Variants in MFGE8 observed in about 807,000 individuals in gnomAD.
The protein encoded by MFGE8 is milk fat globule EGF and factor V/VIII domain containing, also known as lactadherin.
MFGE8 carries 34 observed loss-of-function variants against 42.6 expected under a neutral mutation model. That is an observed-to-expected ratio of 0.80 (90% CI 0.61 to 1.06). The LOEUF (loss-of-function observed/expected upper bound fraction) is 1.06. Ranked by LOEUF, MFGE8 falls within the 50% of genes least tolerant of loss-of-function variation. The probability of loss-of-function intolerance (pLI) is 0.00; values close to 1 mark genes in which losing one functional copy is unlikely to be tolerated. For missense variants in MFGE8, 510 were observed against 516.9 expected (o/e 0.99, Z 0.13); for synonymous variants, 230 against 214.8 (o/e 1.07, Z -0.62).
In MFGE8 at chr15:88,906,846, C is replaced by G; in HGVS notation, c.388-68G>C. On this transcript the variant is annotated intron_variant, in intron 3 of 7. Coordinates refer to ENST00000268150, the MANE Select transcript of MFGE8 (RefSeq NM_005928.4). The surrounding 1 kb of genome is among the most constrained non-coding windows in gnomAD (Gnocchi z 4.2). ...TCTTTCCACTCAAGATCCAAGCAGA[C>G]CCATCCCTTCACTCCCCCACTGGGT... is the stretch of plus-strand genomic sequence containing the variant. The G allele has an allele frequency of 6.3e-7, 1 of 1,593,754 alleles. No individual in the cohort carries two copies. Among genetic ancestry groups the G allele is most frequent in the South Asian group, 1.1e-5 (1 of 90,394 alleles).
chr15:88,907,662 AGCACTGTGGGGACAGCCATGATTG>A lies in MFGE8; in HGVS notation c.206-310_206-287del, dbSNP rs375457932. On this transcript the variant is annotated intron_variant, in intron 2 of 7. Coordinates refer to ENST00000268150, the MANE Select transcript of MFGE8 (RefSeq NM_005928.4). ...GCTGCCAGAGGATCCCAGCCAGGGT[AGCACTGTGGGGACAGCCATGATTG>A]GCACTCATGGAAAGTAGAGTCCCCC... 6.7e-3 allele frequency among the ~76,000 whole-genome samples: 1,017 copies of A among 151,666 alleles called. 33 individuals carry two copies. The East Asian group carries it at 0.095, about 14-fold the overall frequency.
At chr15:88,908,645 A>G (rs1898811097) in intron 2 of MFGE8, among the ~76,000 whole-genome samples, 1 of 152,124 alleles carries the variant, frequency 6.6e-6, no homozygotes, top group Admixed American at 6.5e-5. Context: ...CCACTCAGGC[A>G]CACTCACTGT....
Position 88,899,304 on chromosome 15 carries a change from TC to T in MFGE8, c.*90del. On this transcript the variant is annotated 3_prime_UTR_variant, in exon 8 of 8. Coordinates refer to ENST00000268150, the MANE Select transcript of MFGE8 (RefSeq NM_005928.4). The surrounding 1 kb of genome is among the most constrained non-coding windows in gnomAD (Gnocchi z 6.8). Reference sequence around the variant, plus strand: ...CTCTGAACACCCTCCCCTTCCCCAGTCCCCAGCCCTATGGTGATTTAAAGGG... The same window carrying T: ...CTCTGAACACCCTCCCCTTCCCCAGTCCCAGCCCTATGGTGATTTAAAGGG... 6.4e-7 allele frequency: 1 copy of T among 1,567,642 alleles called. No individual in the cohort carries two copies.
chr15:88,899,896 T>C lies in MFGE8; in HGVS notation c.871-85A>G, dbSNP rs1898280309. On this transcript the variant is annotated intron_variant, in intron 6 of 7. Coordinates refer to ENST00000268150, the MANE Select transcript of MFGE8 (RefSeq NM_005928.4). This position sits in a 1 kb window ranked among gnomAD's most constrained non-coding sequence, Gnocchi z 6.8. ...GGCAGACACACTGAGGCATGAATTC[T>C]AGTTTTGAAAAAAACTACTTGGGTG... is the stretch of plus-strand genomic sequence containing the variant. 1 of 1,544,168 alleles carries C rather than the reference T, an allele frequency of 6.5e-7. No homozygotes were observed. Among genetic ancestry groups the C allele is most frequent in the African/African-American group, 1.4e-5 (1 of 73,328 alleles).
At position 88,906,683 on chromosome 15, in the gene MFGE8, G is replaced by A. The variant is rs1280550884; in HGVS notation, c.483C>T (p.Ala161=). Residue 161 remains alanine (A), a synonymous_variant, in exon 4 of 8, where the codon GCC becomes GCT. Coordinates refer to ENST00000268150, the MANE Select transcript of MFGE8 (RefSeq NM_005928.4). The surrounding 1 kb of genome is among the most constrained non-coding windows in gnomAD (Gnocchi z 4.2). ...SHEYLKAFKV[A]YSLNGHEFDF... ...CGAATTCGTGTCCATTAAGGCTGTA[G>A]GCCACCTTGAAGGCCTTCAGGTACT... 6 of 1,613,834 alleles carry A rather than the reference G, an allele frequency of 3.7e-6. No homozygotes were observed. The Admixed American group carries it at 5.0e-5, about 13-fold the overall frequency.
In MFGE8 at chr15:88,905,868, G is replaced by C; in HGVS notation, c.574C>G (p.His192Asp). The part of the protein sequence containing the change: ...FVGNWNKNAV[H>D]VNLFETPVEA... ...ACAGGGGTCTCAAACAGGTTGACAT[G>C]CACCGCGTTTTTGTTCCAGTTACCC... The change falls in exon 5 of 8, where the codon CAT (histidine) becomes GAT (aspartate). Residue 192 changes from histidine to aspartate, a missense_variant. By Grantham distance (81) the His-to-Asp change is moderately conservative. Coordinates refer to ENST00000268150, the MANE Select transcript of MFGE8 (RefSeq NM_005928.4). This position sits in a 1 kb window ranked among gnomAD's most constrained non-coding sequence, Gnocchi z 6.6. The C allele has an allele frequency of 6.2e-7, 1 of 1,614,218 alleles. No homozygotes were observed. Among genetic ancestry groups the C allele is most frequent in the Non-Finnish European group, 8.5e-7 (1 of 1,180,038 alleles).
In MFGE8 at chr15:88,906,650, G is replaced by T. The variant is rs377660994; in HGVS notation, c.516C>A (p.Ile172=). The T allele has an allele frequency of 6.8e-6, 11 of 1,613,886 alleles. No homozygotes were observed. Among genetic ancestry groups the T allele is most frequent in the Non-Finnish European group, 9.3e-6 (11 of 1,179,998 alleles). Residue 172 remains isoleucine, a synonymous_variant, in exon 4 of 8, where the codon ATC becomes ATA. Coordinates refer to ENST00000268150, the MANE Select transcript of MFGE8 (RefSeq NM_005928.4). This position sits in a 1 kb window ranked among gnomAD's most constrained non-coding sequence, Gnocchi z 4.2. ...CCTTGTGTTTTTTATTAACATCATG[G>T]ATGAAATCGAATTCGTGTCCATTAA... The part of the protein sequence containing the change: ...YSLNGHEFDF[I]HDVNKKHKEF...
Position 88,902,530 on chromosome 15 carries a change from C to T in MFGE8, c.686-795G>A, listed in dbSNP as rs1898481749. On this transcript the variant is annotated intron_variant, in intron 5 of 7. Transcript: ENST00000268150. This position sits in a 1 kb window ranked among gnomAD's most constrained non-coding sequence, Gnocchi z 4.3. Reference sequence around the variant, plus strand: ...ATCTCTATTTCCATTCCCCAGAAGCCCCCTGACTTAGTGTCTCCCAGAGGG... The same window carrying T: ...ATCTCTATTTCCATTCCCCAGAAGCTCCCTGACTTAGTGTCTCCCAGAGGG... 6.6e-6 allele frequency: 1 copy of T among 152,242 alleles called. No individual in the cohort carries two copies. 9.4% of individuals were successfully genotyped at this position (152,242 alleles called of 1,614,324 possible).
rs1412991913 is a variant in MFGE8, at chr15:88,899,293, C to T, written c.*102G>A. On this transcript the variant is annotated 3_prime_UTR_variant, in exon 8 of 8. Transcript: ENST00000268150. This position sits in a 1 kb window ranked among gnomAD's most constrained non-coding sequence, Gnocchi z 6.8. ...GGTGGTGCTGCCTCTGAACACCCTC[C>T]CCTTCCCCAGTCCCCAGCCCTATGG... The T allele has an allele frequency of 6.6e-7, 1 of 1,523,270 alleles. No individual in the cohort carries two copies. The highest frequency in any genetic ancestry group is 8.9e-7 in the Non-Finnish European group (1 of 1,119,180). The allele number at this position is 1,523,270 out of a possible 1,614,324, so 94.4% of individuals were successfully genotyped here. A position where few individuals can be genotyped will look rare whatever the true frequency, so the allele number is the denominator to read the frequency against.
intron 1 of MFGE8, chr15:88,912,527 G>A (rs1198667511): frequency 4.1e-6 from 4 of 985,368 alleles, no homozygotes; most frequent in East Asian, 1.1e-4. Flanking sequence ...TGAATGGCAC[G>A]GGGCATCCGC....
chr15:88,905,956 C>T lies in MFGE8; in HGVS notation c.541-55G>A, dbSNP rs1596196568. ...GGGGTCCATCTGAGCAGTCCCCCTC[C>T]CTGGGGTTACCTCATCTTCCTCTTC... On this transcript the variant is annotated intron_variant, in intron 4 of 7. Coordinates refer to ENST00000268150, the MANE Select transcript of MFGE8 (RefSeq NM_005928.4). The surrounding 1 kb of genome is among the most constrained non-coding windows in gnomAD (Gnocchi z 6.6). 8 of 1,601,978 alleles carry T rather than the reference C, an allele frequency of 5.0e-6. No individual in the cohort carries two copies. In the East Asian group the frequency reaches 1.8e-4, roughly 36 times the overall value.
chr15:88,912,731 A>G, intron 1 of MFGE8: 2 of 985,276 alleles, frequency 2.0e-6, no homozygotes, highest in Non-Finnish European at 2.4e-6. Context: ...GCCTGCGTCC[A>G]TTGCACCGAC....
At chr15:88,901,291 A>T (rs570686457) in intron 6 of MFGE8, among the ~76,000 whole-genome samples, 15 of 147,232 alleles carry the variant, frequency 1.0e-4, no homozygotes, top group South Asian at 6.6e-4. Context: ...TCACATTCAC[A>T]CACATTCACA....
rs1898658054 is a variant in MFGE8, at chr15:88,905,975, C to G, written c.541-74G>C. On this transcript the variant is annotated intron_variant, in intron 4 of 7. Coordinates refer to ENST00000268150, the MANE Select transcript of MFGE8 (RefSeq NM_005928.4). This position sits in a 1 kb window ranked among gnomAD's most constrained non-coding sequence, Gnocchi z 6.6. ...CCCCTCCCTGGGGTTACCTCATCTT[C>G]CTCTTCAGACCTGGGAGGCAGAGGT... The G allele has an allele frequency of 5.8e-6, 9 of 1,565,148 alleles. No homozygotes were observed. Among genetic ancestry groups the G allele is most frequent in the Non-Finnish European group, 7.9e-6 (9 of 1,137,026 alleles).
intron 2 of MFGE8, among the ~76,000 whole-genome samples, chr15:88,908,636 C>T (rs921535561): frequency 6.6e-6 from 1 of 152,140 alleles, no homozygotes; most frequent in Non-Finnish European, 1.5e-5. Context: ...GGGTAATTCC[C>T]ACTCAGGCAC....
intron 1 of MFGE8, chr15:88,910,919 A>AAAACAAG (rs1279957553): frequency 1.3e-5 from 2 of 152,210 alleles, no homozygotes; most frequent in African/African-American, 4.8e-5. Context: ...AATAAAATAA[A>AAAACAAG]AAACAAGAAA....
Position 88,899,263 on chromosome 15 carries a change from T to G in MFGE8, c.*132A>C, listed in dbSNP as rs2141686969. On this transcript the variant is annotated 3_prime_UTR_variant, in exon 8 of 8. Coordinates refer to ENST00000268150, the MANE Select transcript of MFGE8 (RefSeq NM_005928.4). This position sits in a 1 kb window ranked among gnomAD's most constrained non-coding sequence, Gnocchi z 6.8. ...TGGGAAAGAGGGAGGGAGGGGTGACTGTGTGGTGGTGCTGCCTCTGAACAC... is the reference window on the plus strand; with the variant it reads ...TGGGAAAGAGGGAGGGAGGGGTGACGGTGTGGTGGTGCTGCCTCTGAACAC... The G allele has an allele frequency of 1.6e-6, 2 of 1,223,176 alleles. No individual in the cohort carries two copies. Among genetic ancestry groups the G allele is most frequent in the South Asian group, 1.3e-5 (1 of 75,800 alleles). The allele number at this position is 1,223,176 out of a possible 1,614,324, so 75.8% of individuals were successfully genotyped here.
At chr15:88,912,188 C>T in intron 1 of MFGE8, 1 of 1,289,826 alleles carries the variant, frequency 7.8e-7, no homozygotes, top group Non-Finnish European at 1.0e-6. Flanking sequence ...TGTATAAAAA[C>T]ATCTTTGGGA....
At chr15:88,909,215 G>A (rs1898840979) in intron 2 of MFGE8, among the ~76,000 whole-genome samples, 2 of 152,178 alleles carry the variant, frequency 1.3e-5, no homozygotes, top group East Asian at 3.9e-4. Context: ...CAGGTCACAC[G>A]CGGACAGCCC....
Sources: gnomAD v4.1 joint callset for allele counts (sites outside exome capture counted in the v4.1 genomes callset) on GRCh38, gnomAD v4.1.1 for gene constraint, Gnocchi (gnomAD v3.1) non-coding constraint, MANE v1.5 for transcripts, NCBI Gene and HGNC (gene_info 2026-07-23, HGNC 2026-07-21) for gene names.